The following CNTN1 variants were observed in gnomAD, a reference collection of about 807,000 sequenced individuals.
CNTN1 encodes the protein contactin 1.
CNTN1 carries 38 observed loss-of-function variants against 126.4 expected under a neutral mutation model. The observed-to-expected ratio is 0.30, with a 90% CI of 0.23 to 0.39. The LOEUF is 0.39. Ranked by LOEUF, CNTN1 falls within the 10% of genes least tolerant of loss-of-function variation. The pLI is 1.00. For missense variants in CNTN1, 1,009 were observed against 1,248.4 expected (o/e 0.81, Z 2.89); for synonymous variants, 413 against 422.6 (o/e 0.98, Z 0.28).
chr12:40,938,951 T>C (rs984649946), intron 11 of CNTN1, among the ~76,000 whole-genome samples: 2 of 152,034 alleles, frequency 1.3e-5, no homozygotes, highest in African/African-American at 4.8e-5. Flanking sequence ...TTTTTTTGTA[T>C]TTTAGGTAGA....
intron 15 of CNTN1, among the ~76,000 whole-genome samples, chr12:40,965,218 G>A (rs1947262780): frequency 6.6e-6 from 1 of 152,034 alleles, no homozygotes; most frequent in Non-Finnish European, 1.5e-5. Flanking sequence ...AATCCTATGG[G>A]TTATCTAGAA....
chr12:41,066,027 G>A (rs1045780999), intron 23 of CNTN1, among the ~76,000 whole-genome samples: 2 of 152,058 alleles, frequency 1.3e-5, no homozygotes, highest in African/African-American at 4.8e-5. Context: ...ATATATATTA[G>A]GCACACCTCT....
chr12:40,897,189 G>C (rs76033806), intron 1 of CNTN1, among the ~76,000 whole-genome samples: 2,907 of 152,292 alleles, frequency 0.019, 98 homozygotes, highest in African/African-American at 0.066. Context: ...AGTATAGTAA[G>C]AGAATTATAG....
chr12:40,975,992 A>C (rs188783451), intron 15 of CNTN1, among the ~76,000 whole-genome samples: 1 of 152,288 alleles, frequency 6.6e-6, no homozygotes, highest in Admixed American at 6.5e-5. Context: ...ACTCGAGAGC[A>C]TGGGTAGGGG....
intron 1 of CNTN1, among the ~76,000 whole-genome samples, chr12:40,743,880 G>A (rs557359258): frequency 5.8e-4 from 88 of 151,910 alleles, no homozygotes; most frequent in Non-Finnish European, 1.2e-3. Flanking sequence ...GTCCTGAATG[G>A]TATTGCCTAG....
intron 1 of CNTN1, among the ~76,000 whole-genome samples, chr12:40,762,380 G>A (rs1938896546): frequency 5.7e-5 from 2 of 34,790 alleles, no homozygotes; most frequent in African/African-American, 1.3e-4. Context: ...GATAAGACAA[G>A]GAATTGGTCC....
At chr12:40,971,865 A>G (rs959751977) in intron 15 of CNTN1, 1 of 1,096,630 alleles carries the variant, frequency 9.1e-7, no homozygotes, top group African/African-American at 1.7e-5. Context: ...ATTGTATAAT[A>G]CAGGAGTATT....
intron 15 of CNTN1, among the ~76,000 whole-genome samples, chr12:40,965,764 G>A: frequency 6.6e-6 from 1 of 151,968 alleles, no homozygotes; most frequent in Admixed American, 6.6e-5. Context: ...TGTGGTATCT[G>A]GCATAAATGT....
intron 15 of CNTN1, among the ~76,000 whole-genome samples, chr12:40,961,884 G>A (rs761024042): frequency 2.6e-5 from 4 of 152,002 alleles, no homozygotes; most frequent in Admixed American, 6.6e-5. Flanking sequence ...TTACATGTTT[G>A]TAAAAAATAT....
rs150279551 is a variant in CNTN1 at position 41,062,581 on chromosome 12, C to G, written c.2981-7378C>G. Among the ~76,000 whole-genome samples, 604 of 151,868 alleles carry G rather than the reference C, an allele frequency of 4.0e-3. 7 individuals are homozygous for G. The highest frequency in any genetic ancestry group is 0.014 in the African/African-American group (580 of 41,526). ...ACAGAAATGCTAAAAATGAATCAAG[C>G]AATAATTCAAAGATTCCTTTGTTTC... On this transcript the variant is annotated intron_variant, in intron 23 of 23. Coordinates refer to ENST00000551295, the MANE Select transcript of CNTN1 (RefSeq NM_001843.4).
At chr12:40,767,608 C>T (rs933142264) in intron 1 of CNTN1, among the ~76,000 whole-genome samples, 1 of 134,364 alleles carries the variant, frequency 7.4e-6, no homozygotes, top group South Asian at 2.5e-4. Context: ...GCTCCTGGCC[C>T]TTTTTTTGTT....
At chr12:40,954,191 T>G (rs1227316243) in intron 14 of CNTN1, among the ~76,000 whole-genome samples, 1 of 152,068 alleles carries the variant, frequency 6.6e-6, no homozygotes, top group Non-Finnish European at 1.5e-5. Context: ...GACATTATTC[T>G]TTCCAAATAT....
intron 1 of CNTN1, among the ~76,000 whole-genome samples, chr12:40,743,026 C>T (rs938495583): frequency 6.6e-6 from 1 of 151,974 alleles, no homozygotes; most frequent in Admixed American, 6.6e-5. Context: ...GGGAATGCGG[C>T]GAGCAGGACA....
In CNTN1 at chr12:40,742,966, T is replaced by A. The variant is rs138071620; in HGVS notation, c.-77+50374T>A. ...AAGATGGAATAGCCAGTAATTAAAT[T>A]CTGTTACCTTACAGTAGGTAATGAG... On this transcript the variant is annotated intron_variant, in intron 1 of 23. Transcript: ENST00000551295. Among the ~76,000 whole-genome samples, 7 of 152,212 alleles carry A rather than the reference T, an allele frequency of 4.6e-5. No homozygotes were observed. The East Asian group carries it at 1.4e-3, about 29-fold the overall frequency.
At chr12:40,773,696 C>CACATAT (rs1555155615) in intron 1 of CNTN1, among the ~76,000 whole-genome samples, 2 of 19,914 alleles carry the variant, frequency 1.0e-4, no homozygotes, top group African/African-American at 1.7e-4. Context: ...TATATATACA[C>CACATAT]ATATATATAT....
chr12:41,017,685 A>C (rs1273064792), intron 19 of CNTN1, among the ~76,000 whole-genome samples: 1 of 152,146 alleles, frequency 6.6e-6, no homozygotes, highest in Non-Finnish European at 1.5e-5. Flanking sequence ...GTCATAGAAG[A>C]CTTTATATAT....
chr12:40,883,887 C>T (rs1287315084), intron 1 of CNTN1, among the ~76,000 whole-genome samples: 1 of 151,414 alleles, frequency 6.6e-6, no homozygotes, highest in Non-Finnish European at 1.5e-5. Context: ...GAGAAATGCA[C>T]TTAAATACAA....
chr12:41,047,201 C>T (rs1949561812), intron 23 of CNTN1, among the ~76,000 whole-genome samples: 1 of 152,052 alleles, frequency 6.6e-6, no homozygotes, highest in Non-Finnish European at 1.5e-5. Flanking sequence ...TTGTTTATGA[C>T]AGTCACCTAC....
intron 1 of CNTN1, among the ~76,000 whole-genome samples, chr12:40,874,507 A>C (rs1416447260): frequency 1.3e-5 from 2 of 152,148 alleles, no homozygotes; most frequent in Non-Finnish European, 2.9e-5. Flanking sequence ...ATAAAGCAAT[A>C]TATAGAAACA....
Sources: gnomAD v4.1 joint callset for allele counts (sites outside exome capture counted in the v4.1 genomes callset) on GRCh38, gnomAD v4.1.1 for gene constraint, MANE v1.5 for transcripts, NCBI Gene and HGNC (gene_info 2026-07-23, HGNC 2026-07-21) for gene names.